The following SNX13 variants were observed in gnomAD, a reference collection of about 807,000 sequenced individuals.
The protein encoded by SNX13 is sorting nexin-13.
Under a neutral mutation model 133.6 loss-of-function variants are expected in SNX13, and 45 were observed. That is an observed-to-expected ratio of 0.34 (90% CI 0.27 to 0.43). The LOEUF (loss-of-function observed/expected upper bound fraction) is 0.43. Ranked by LOEUF, SNX13 falls within the 20% of genes least tolerant of loss-of-function variation. The pLI is 1.00. For missense variants in SNX13, 1,032 were observed against 1,145.1 expected (o/e 0.90, Z 1.43); for synonymous variants, 414 against 373.9 (o/e 1.11, Z -1.24).
intron 5 of SNX13, among the ~76,000 whole-genome samples, chr7:17,887,543 T>G (rs1796143483): frequency 6.6e-6 from 1 of 152,224 alleles, no homozygotes; most frequent in Non-Finnish European, 1.5e-5. Flanking sequence ...CATGATGTCA[T>G]TTAATCCTAA....
At chr7:17,866,811 A>G (rs1191290540) in intron 9 of SNX13, among the ~76,000 whole-genome samples, 2 of 152,234 alleles carry the variant, frequency 1.3e-5, no homozygotes, top group East Asian at 3.8e-4. Context: ...GGGTGGCTAC[A>G]GTTAACAATA....
intron 9 of SNX13, among the ~76,000 whole-genome samples, chr7:17,852,848 T>C (rs1473742358): frequency 6.6e-6 from 1 of 152,222 alleles, no homozygotes; most frequent in Non-Finnish European, 1.5e-5. Context: ...TTTAGCTAGA[T>C]ACATGGATAT....
intron 1 of SNX13, among the ~76,000 whole-genome samples, chr7:17,920,085 C>T (rs1799964816): frequency 1.3e-5 from 2 of 152,158 alleles, no homozygotes; most frequent in South Asian, 4.1e-4. Flanking sequence ...TATCTGGTGT[C>T]ATAGCCTCAA....
chr7:17,800,478 C>CA (rs1784498260), intron 22 of SNX13, among the ~76,000 whole-genome samples: 2 of 151,678 alleles, frequency 1.3e-5, no homozygotes, highest in Non-Finnish European at 3.0e-5. Context: ...ACCCATACTT[C>CA]AATCCATATA....
At chr7:17,829,960 T>C (rs1788296411) in intron 16 of SNX13, 50 bp downstream of exon 16, 1 of 1,327,274 alleles carries the variant, frequency 7.5e-7, no homozygotes, top group African/African-American at 1.5e-5. Flanking sequence ...GGCTCAGCCT[T>C]TTACATTATT....
intron 22 of SNX13, among the ~76,000 whole-genome samples, chr7:17,800,713 T>G (rs962622812): frequency 6.6e-6 from 1 of 151,596 alleles, no homozygotes. Context: ...AGAACTAAGA[T>G]AGCTAAGAAC....
intron 1 of SNX13, among the ~76,000 whole-genome samples, chr7:17,921,288 C>T (rs1379482896): frequency 2.6e-5 from 4 of 152,278 alleles, no homozygotes; most frequent in African/African-American, 7.2e-5. Context: ...CCTTGTTATC[C>T]TTGTTCATCA....
intron 1 of SNX13, among the ~76,000 whole-genome samples, chr7:17,936,573 A>G (rs1238234637): frequency 6.6e-6 from 1 of 152,212 alleles, no homozygotes; most frequent in East Asian, 1.9e-4. Context: ...AGTATGCCAC[A>G]ACACTGGAAT....
intron 8 of SNX13, among the ~76,000 whole-genome samples, chr7:17,870,335 G>A (rs1216855127): frequency 6.6e-6 from 1 of 152,076 alleles, no homozygotes; most frequent in Admixed American, 6.5e-5. Flanking sequence ...TCTTTCGTCT[G>A]TTATTTAATC....
At chr7:17,938,289 A>G (rs967016686) in intron 1 of SNX13, among the ~76,000 whole-genome samples, 22 of 152,240 alleles carry the variant, frequency 1.4e-4, no homozygotes, top group African/African-American at 5.1e-4. Context: ...GCTGAAAACT[A>G]CTTGAGAGGC....
chr7:17,807,945 T>C (rs924766773), intron 20 of SNX13, among the ~76,000 whole-genome samples: 38 of 151,938 alleles, frequency 2.5e-4, no homozygotes, highest in Non-Finnish European at 8.8e-5. Flanking sequence ...CAGAAACCCA[T>C]CTGAAGGTCA....
chr7:17,869,790 G>A (rs1187223444), intron 8 of SNX13, among the ~76,000 whole-genome samples: 2 of 151,954 alleles, frequency 1.3e-5, no homozygotes, highest in African/African-American at 4.8e-5. Context: ...ATTTACGTAT[G>A]TAATTCCTTC....
chr7:17,908,643 A>G (rs1766059320), intron 1 of SNX13, among the ~76,000 whole-genome samples: 2 of 152,208 alleles, frequency 1.3e-5, no homozygotes, highest in African/African-American at 4.8e-5. Context: ...AGCTTCTTTC[A>G]TTCATTCACT....
At chr7:17,915,609 CTCTGTCTG>C (rs146061556) in intron 1 of SNX13, among the ~76,000 whole-genome samples, 136 of 151,396 alleles carry the variant, frequency 9.0e-4, no homozygotes, top group African/African-American at 3.0e-3. Flanking sequence ...GGAGGTGTGT[CTCTGTCTG>C]TCTGTCTGTC....
chr7:17,907,039 T>C (rs1411121432), intron 1 of SNX13, among the ~76,000 whole-genome samples: 3 of 152,188 alleles, frequency 2.0e-5, no homozygotes, highest in African/African-American at 7.2e-5. Flanking sequence ...ACACCAAGTA[T>C]TTTTTGTATT....
chr7:17,899,094 T>C (rs914423027), intron 1 of SNX13: 4 of 152,232 alleles, frequency 2.6e-5, no homozygotes, highest in Non-Finnish European at 5.9e-5. Context: ...CCTCTGATAA[T>C]ACTTTGCTGA....
chr7:17,805,255 G>A (rs1165215330), intron 20 of SNX13, among the ~76,000 whole-genome samples: 10 of 86,764 alleles, frequency 1.2e-4, no homozygotes, highest in Admixed American at 3.6e-4. Context: ...GTGTGTGCGT[G>A]CGCGCGCGCG....
intron 13 of SNX13, among the ~76,000 whole-genome samples, chr7:17,836,308 T>A (rs1311493018): frequency 2.6e-5 from 4 of 151,894 alleles, no homozygotes; most frequent in Non-Finnish European, 4.4e-5. Context: ...CTCGAGGGCA[T>A]AAGTTCGAGA....
rs781274515 is a variant in SNX13 at position 17,792,090 on chromosome 7, C to T, written c.*1955G>A. The T allele has an allele frequency of 6.6e-6, 1 of 151,956 alleles. No individual in the cohort carries two copies. The highest frequency in any genetic ancestry group is 1.5e-5 in the Non-Finnish European group (1 of 67,918). 9.4% of individuals were successfully genotyped at this position (151,956 alleles called of 1,614,324 possible). ...ATAGAAATGCTTTTTCACATGTACA[C>T]GTTAGGGTCTTACATGAATTATTCT... On this transcript the variant is annotated 3_prime_UTR_variant, in exon 26 of 26. Transcript: ENST00000428135.
Sources: allele counts gnomAD v4.1 joint callset (sites outside exome capture counted in the v4.1 genomes callset), GRCh38; gene constraint gnomAD v4.1.1; transcripts MANE v1.5; gene names NCBI Gene and HGNC (gene_info 2026-07-23, HGNC 2026-07-21).